The following LBH variants were observed in gnomAD, a reference collection of about 807,000 sequenced individuals.
The protein encoded by LBH is protein LBH.
Under a neutral mutation model 12.5 loss-of-function variants are expected in LBH, and 7 were observed. The ratio of observed to expected loss-of-function variants is 0.56; its 90% confidence interval spans 0.32 to 1.05. The LOEUF (loss-of-function observed/expected upper bound fraction) is 1.05. Ranked by LOEUF, LBH falls within the 50% of genes least tolerant of loss-of-function variation. The pLI is 0.04. For missense variants in LBH, 119 were observed against 138.9 expected (o/e 0.86, Z 0.72); for synonymous variants, 51 against 50.1 (o/e 1.02, Z -0.08).
At chr2:30,232,336 G>T in intron 1 of LBH, 3 of 1,247,450 alleles carry the variant, frequency 2.4e-6, no homozygotes, top group Non-Finnish European at 3.2e-6. Context: ...CCTCTCCACC[G>T]CCCCTAAAAA....
chr2:30,232,475 CAG>C, intron 1 of LBH: 1 of 422,686 alleles, frequency 2.4e-6, no homozygotes, highest in Admixed American at 4.2e-5. Context: ...GGGAGGGATG[CAG>C]AGAGAGGCAG....
chr2:30,240,022 G>A (rs1253502426), intron 2 of LBH, among the ~76,000 whole-genome samples: 1 of 152,170 alleles, frequency 6.6e-6, no homozygotes, highest in East Asian at 1.9e-4. Context: ...ATACATCCCG[G>A]CCTCCTCTCA....
At chr2:30,254,450 T>A (rs1249186703) in intron 2 of LBH, among the ~76,000 whole-genome samples, 2 of 152,190 alleles carry the variant, frequency 1.3e-5, no homozygotes, top group Non-Finnish European at 2.9e-5. Flanking sequence ...CTAGAATTAT[T>A]GTGAGGTTTG....
chr2:30,248,446 G>A (rs1677915111), intron 2 of LBH, among the ~76,000 whole-genome samples: 1 of 152,206 alleles, frequency 6.6e-6, no homozygotes, highest in Non-Finnish European at 1.5e-5. Context: ...ACAAGAAATG[G>A]AAGGCAATGG....
Position 30,231,558 on chromosome 2 carries a change from G to A in LBH, c.-181G>A, listed in dbSNP as rs986743167. ...GGCTGAGTGCTCAGTGGAGAGCGGG[G>A]AGTTGTGTCCACCTTGCCGACGTCG... On this transcript the variant is annotated 5_prime_UTR_variant, in exon 1 of 3. Coordinates refer to ENST00000395323, the MANE Select transcript of LBH (RefSeq NM_030915.4). The A allele has an allele frequency of 9.2e-5, 58 of 629,494 alleles. No individual in the cohort carries two copies. Among genetic ancestry groups the A allele is most frequent in the Non-Finnish European group, 1.0e-4 (35 of 349,152 alleles). 39.0% of individuals were successfully genotyped at this position (629,494 alleles called of 1,614,324 possible).
At chr2:30,251,951 T>C (rs1677987089) in intron 2 of LBH, among the ~76,000 whole-genome samples, 1 of 152,000 alleles carries the variant, frequency 6.6e-6, no homozygotes, top group Non-Finnish European at 1.5e-5. Flanking sequence ...GCTTCTGAGA[T>C]GAACAATGGT....
intron 1 of LBH, chr2:30,234,192 A>G: frequency 1.8e-6 from 1 of 564,422 alleles, no homozygotes; most frequent in Non-Finnish European, 3.2e-6. Context: ...AGGTCTGCAG[A>G]CAATGGGCTT....
intron 2 of LBH, among the ~76,000 whole-genome samples, chr2:30,238,937 T>C (rs946533507): frequency 6.9e-6 from 1 of 145,976 alleles, no homozygotes; most frequent in African/African-American, 2.6e-5. Flanking sequence ...TCGCCCAGGC[T>C]GGAGTGCAGT....
intron 2 of LBH, among the ~76,000 whole-genome samples, chr2:30,252,684 C>T (rs1038606110): frequency 3.3e-5 from 5 of 152,042 alleles, no homozygotes; most frequent in Admixed American, 2.0e-4. Flanking sequence ...AACCTCTTTC[C>T]TTTATAAATT....
intron 1 of LBH, among the ~76,000 whole-genome samples, 155 bp downstream of exon 1, chr2:30,231,919 G>C (rs996796474): frequency 3.0e-5 from 4 of 132,784 alleles, no homozygotes; most frequent in Admixed American, 1.5e-4. Context: ...TCAACGTCAA[G>C]GTTGCAAAGG....
At chr2:30,255,349 C>G (rs1221472820) in intron 2 of LBH, among the ~76,000 whole-genome samples, 1 of 152,090 alleles carries the variant, frequency 6.6e-6, no homozygotes, top group Non-Finnish European at 1.5e-5. Flanking sequence ...GGCAGAACTT[C>G]TGGGCCAACC....
chr2:30,241,848 T>G (rs979432160), intron 2 of LBH, among the ~76,000 whole-genome samples: 4 of 152,198 alleles, frequency 2.6e-5, no homozygotes, highest in Non-Finnish European at 4.4e-5. Context: ...TTAGCATCTT[T>G]GCCTTCTTTT....
chr2:30,255,697 A>G (rs1357230545), intron 2 of LBH, among the ~76,000 whole-genome samples: 1 of 152,152 alleles, frequency 6.6e-6, no homozygotes, highest in Non-Finnish European at 1.5e-5. Flanking sequence ...GGGTTGCAAT[A>G]AGACCGGGTA....
At chr2:30,249,020 G>A (rs1039059436) in intron 2 of LBH, among the ~76,000 whole-genome samples, 1 of 143,086 alleles carries the variant, frequency 7.0e-6, no homozygotes, top group African/African-American at 3.0e-5. Context: ...ACAGAGTGAG[G>A]TGGATGTTCT....
At position 30,231,626 on chromosome 2, in the gene LBH, G is replaced by T; in HGVS notation, c.-113G>T. The T allele has an allele frequency of 3.7e-6, 4 of 1,067,530 alleles. No individual in the cohort carries two copies. Among genetic ancestry groups the T allele is most frequent in the Admixed American group, 1.9e-5 (1 of 52,668 alleles). 66.1% of individuals were successfully genotyped at this position (1,067,530 alleles called of 1,614,324 possible). ...CTGGGAAGGCGGACGGCGAGCGCCC[G>T]GTGTCCGCACTCGGCCGCCTGCCGT... On this transcript the variant is annotated 5_prime_UTR_variant, in exon 1 of 3. Transcript: ENST00000395323.
In LBH at chr2:30,257,932, G is replaced by A. The variant is rs531815492; in HGVS notation, c.*311G>A. ...TTTTGAGATCATTATCTGAACTCAG[G>A]CAGCCTAGTAGAGGCAGTGGTGGGA... On this transcript the variant is annotated 3_prime_UTR_variant, in exon 3 of 3. Transcript: ENST00000395323. 3.0e-5 allele frequency: 7 copies of A among 230,406 alleles called. No homozygotes were observed. In the Admixed American group the frequency reaches 3.6e-4, roughly 12 times the overall value. 14.3% of individuals were successfully genotyped at this position (230,406 alleles called of 1,614,324 possible).
At chr2:30,244,564 A>C (rs1677842669) in intron 2 of LBH, among the ~76,000 whole-genome samples, 1 of 151,828 alleles carries the variant, frequency 6.6e-6, no homozygotes, top group Non-Finnish European at 1.5e-5. Context: ...CTCCCCCTTT[A>C]CAAGAGGAGA....
chr2:30,257,685 T>C lies in LBH; in HGVS notation c.*64T>C, dbSNP rs879133756. ...CTGTTCCTGAACTGTGTTTTTCCCATCATGACGGAAGAAGAGAGTGAGCCG... is the reference window on the plus strand; with the variant it reads ...CTGTTCCTGAACTGTGTTTTTCCCACCATGACGGAAGAAGAGAGTGAGCCG... On this transcript the variant is annotated 3_prime_UTR_variant, in exon 3 of 3. Transcript: ENST00000395323. 1.6e-6 allele frequency: 2 copies of C among 1,286,144 alleles called. No homozygotes were observed. The highest frequency in any genetic ancestry group is 3.1e-5 in the South Asian group (2 of 65,448). 79.7% of individuals were successfully genotyped at this position (1,286,144 alleles called of 1,614,324 possible). A position where few individuals can be genotyped will look rare whatever the true frequency, so the allele number is the denominator to read the frequency against.
Position 30,257,789 on chromosome 2 carries a change from C to CTTTT in LBH, c.*168_*169insTTTT. 4.6e-6 allele frequency: 2 copies of CTTTT among 439,350 alleles called. No individual in the cohort carries two copies. The highest frequency in any genetic ancestry group is 7.6e-6 in the Non-Finnish European group (2 of 264,366). The allele number at this position is 439,350 out of a possible 1,614,324, so 27.2% of individuals were successfully genotyped here. On this transcript the variant is annotated 3_prime_UTR_variant, in exon 3 of 3. Transcript: ENST00000395323. ...GAGTTGGTTTTCTTTTCTTTTCTTGCCTTTTTTTTTTTTTGAAATTTGCCG... is the reference window on the plus strand; with the variant it reads ...GAGTTGGTTTTCTTTTCTTTTCTTGCTTTTCTTTTTTTTTTTTTGAAATTTGCCG...
Sources: gnomAD v4.1 joint callset for allele counts (sites outside exome capture counted in the v4.1 genomes callset) on GRCh38, gnomAD v4.1.1 for gene constraint, MANE v1.5 for transcripts, NCBI Gene and HGNC (gene_info 2026-07-23, HGNC 2026-07-21) for gene names.